Variants in PLA1A observed in about 807,000 individuals in gnomAD.
PLA1A encodes the protein phosphatidylserine-specific phospholipase A1alpha.
In PLA1A, 47 loss-of-function variants were observed where a neutral mutation model predicts 49.4. The ratio of observed to expected loss-of-function variants is 0.95; its 90% confidence interval spans 0.75 to 1.21. The LOEUF (loss-of-function observed/expected upper bound fraction) is 1.21. PLA1A is among the 50% of genes most tolerant of loss of function. The pLI is 0.00. For missense variants in PLA1A, 561 were observed against 563.9 expected (o/e 0.99, Z 0.05); for synonymous variants, 224 against 207.9 (o/e 1.08, Z -0.67).
intron 8 of PLA1A, among the ~76,000 whole-genome samples, chr3:119,622,149 G>GGAAGAA (rs59447645): frequency 0.016 from 2,027 of 126,204 alleles, 30 homozygotes; most frequent in Non-Finnish European, 0.02. Context: ...AGGAGGAGGA[G>GGAAGAA]GAAGAAGAAG....
chr3:119,612,372 G>A (rs1282834676), intron 4 of PLA1A, among the ~76,000 whole-genome samples: 2 of 152,184 alleles, frequency 1.3e-5, no homozygotes, highest in African/African-American at 2.4e-5. Flanking sequence ...AAACTGCCCG[G>A]CATAAGGCCT....
intron 5 of PLA1A, among the ~76,000 whole-genome samples, chr3:119,615,008 G>C (rs2082826144): frequency 6.6e-6 from 1 of 152,162 alleles, no homozygotes; most frequent in African/African-American, 2.4e-5. Context: ...AATATGTTTT[G>C]GAGGTAGAGC....
At chr3:119,614,466 C>T (rs1410690932) in intron 5 of PLA1A, among the ~76,000 whole-genome samples, 6 of 151,948 alleles carry the variant, frequency 3.9e-5, no homozygotes, top group African/African-American at 9.7e-5. Context: ...TTTAGTGAGG[C>T]GTGGTGGTAG....
chr3:119,612,999 A>G lies in PLA1A; in HGVS notation c.563-18A>G. 2 of 1,505,924 alleles carry G rather than the reference A, an allele frequency of 1.3e-6. No homozygotes were observed. Among genetic ancestry groups the G allele is most frequent in the East Asian group, 2.4e-5 (1 of 41,852 alleles). The allele number at this position is 1,505,924 out of a possible 1,614,324, so 93.3% of individuals were successfully genotyped here. ...AGCTGAGAGGAAAGAGGTCCCTCAT[A>G]TCAGTCTCTTCTCACAGGCCTGGAC... On this transcript the variant is annotated intron_variant, in intron 4 of 10. Transcript: ENST00000273371.
At chr3:119,606,175 A>G (rs1341610526) in intron 1 of PLA1A, among the ~76,000 whole-genome samples, 1 of 152,222 alleles carries the variant, frequency 6.6e-6, no homozygotes, top group African/African-American at 2.4e-5. Flanking sequence ...GTATTGCCTC[A>G]CAATTCTGGA....
Position 119,609,453 on chromosome 3 carries a change from T to A in PLA1A, c.454-15T>A. Reference sequence around the variant, plus strand: ...TCTGTGGCCCACGGGGAACTCACTGTTCCTGCTCTTCTAGGTGCTGGGTGT... The same window carrying A: ...TCTGTGGCCCACGGGGAACTCACTGATCCTGCTCTTCTAGGTGCTGGGTGT... On this transcript the variant is annotated splice_polypyrimidine_tract_variant and intron_variant, in intron 3 of 10. Transcript: ENST00000273371. The A allele has an allele frequency of 2.0e-6, 3 of 1,532,220 alleles. No individual in the cohort carries two copies. The highest frequency in any genetic ancestry group is 2.7e-6 in the Non-Finnish European group (3 of 1,105,438). The allele number at this position is 1,532,220 out of a possible 1,614,324, so 94.9% of individuals were successfully genotyped here. A position where few individuals can be genotyped will look rare whatever the true frequency, so the allele number is the denominator to read the frequency against.
chr3:119,599,527 C>A (rs151179633), intron 1 of PLA1A, among the ~76,000 whole-genome samples: 1 of 152,244 alleles, frequency 6.6e-6, no homozygotes, highest in East Asian at 1.9e-4. Flanking sequence ...AGGACTATAG[C>A]AAATTGGCAT....
chr3:119,625,849 A>G (rs1353153273), intron 9 of PLA1A, among the ~76,000 whole-genome samples: 1 of 152,018 alleles, frequency 6.6e-6, no homozygotes, highest in African/African-American at 2.4e-5. Flanking sequence ...AGGGCAAGGA[A>G]CCCCAACTGT....
At chr3:119,613,894 A>AC (rs2082806138) in intron 5 of PLA1A, among the ~76,000 whole-genome samples, 1 of 92,996 alleles carries the variant, frequency 1.1e-5, no homozygotes, top group Non-Finnish European at 2.1e-5. Flanking sequence ...CTCTGTCTCC[A>AC]AAAAAAAGAA....
At chr3:119,612,454 T>G (rs1473279802) in intron 4 of PLA1A, among the ~76,000 whole-genome samples, 1 of 152,142 alleles carries the variant, frequency 6.6e-6, no homozygotes, top group Non-Finnish European at 1.5e-5. Context: ...AGCTTTACAT[T>G]ACATTAACTT....
At chr3:119,601,366 A>T (rs913451684) in intron 1 of PLA1A, among the ~76,000 whole-genome samples, 1 of 152,182 alleles carries the variant, frequency 6.6e-6, no homozygotes, top group African/African-American at 2.4e-5. Flanking sequence ...TATGCCTGAG[A>T]GTCACTTTCC....
chr3:119,623,191 G>A (rs950669771), intron 8 of PLA1A, among the ~76,000 whole-genome samples: 2 of 151,600 alleles, frequency 1.3e-5, no homozygotes, highest in Non-Finnish European at 2.9e-5. Flanking sequence ...ACCCAGGCTG[G>A]AGTGTGGTGG....
Position 119,603,838 on chromosome 3 carries a change from G to T in PLA1A, c.74-2936G>T, listed in dbSNP as rs145168006. On this transcript the variant is annotated intron_variant, in intron 1 of 10. Coordinates refer to ENST00000273371, the MANE Select transcript of PLA1A (RefSeq NM_015900.4). ...GATTAAAGTGGAGCAGTACCTTAAG[G>T]TCCCTAGTCAGAGGTTAGTTGGAAG... Among the ~76,000 whole-genome samples the T allele has an allele frequency of 8.7e-3, 1,323 of 152,286 alleles. 19 individuals are homozygous for T. Among genetic ancestry groups the T allele is most frequent in the African/African-American group, 0.03 (1,229 of 41,550 alleles).
intron 8 of PLA1A, among the ~76,000 whole-genome samples, chr3:119,623,870 G>T (rs535819011): frequency 1.3e-5 from 2 of 151,654 alleles, no homozygotes; most frequent in African/African-American, 4.8e-5. Context: ...GGTTACAGGT[G>T]CCTGCCACCA....
At chr3:119,615,968 A>AC (rs766877647) in intron 5 of PLA1A, 44 bp from the exon 6 acceptor site, 2 of 1,309,350 alleles carry the variant, frequency 1.5e-6, no homozygotes, top group South Asian at 2.4e-5. Flanking sequence ...CTGTGAGCCG[A>AC]CCCCCTGAAG....
intron 10 of PLA1A, 58 bp from the exon 11 acceptor site, chr3:119,629,326 C>G (rs1480660370): frequency 5.1e-6 from 5 of 973,302 alleles, no homozygotes; most frequent in Non-Finnish European, 8.4e-6. Flanking sequence ...AAAAGCCACA[C>G]AATGCCAAGC....
chr3:119,605,232 G>A (rs1216555214), intron 1 of PLA1A, among the ~76,000 whole-genome samples: 1 of 152,226 alleles, frequency 6.6e-6, no homozygotes, highest in African/African-American at 2.4e-5. Flanking sequence ...CTCAGAGTGG[G>A]CTTCATCCCA....
chr3:119,606,201 A>G (rs1481983087), intron 1 of PLA1A, among the ~76,000 whole-genome samples: 2 of 152,258 alleles, frequency 1.3e-5, no homozygotes, highest in African/African-American at 2.4e-5. Context: ...GAAGTCTGAG[A>G]TCAAGATGTT....
At chr3:119,617,679 G>T (rs906795591) in intron 6 of PLA1A, among the ~76,000 whole-genome samples, 1 of 151,596 alleles carries the variant, frequency 6.6e-6, no homozygotes, top group African/African-American at 2.4e-5. Flanking sequence ...GGAGGCAGAG[G>T]TTGCAGTGGC....
Sources: allele counts gnomAD v4.1 joint callset (sites outside exome capture counted in the v4.1 genomes callset), GRCh38; gene constraint gnomAD v4.1.1; transcripts MANE v1.5; gene names NCBI Gene and HGNC (gene_info 2026-07-23, HGNC 2026-07-21).